Variants in FNIP2 observed in about 807,000 individuals in gnomAD.
The protein encoded by FNIP2 is folliculin interacting protein 2, also known as folliculin-interacting protein 2.
A neutral mutation model predicts 108.7 loss-of-function variants in FNIP2; 32 were observed. The observed-to-expected ratio is 0.29, with a 90% confidence interval of 0.22 to 0.40. The LOEUF (loss-of-function observed/expected upper bound fraction) is 0.40, where lower values mean the gene tolerates loss of function less well. FNIP2 is among the 10% of genes least tolerant of loss of function. The pLI, the probability that FNIP2 is intolerant of heterozygous loss-of-function variation, is 1.00. For synonymous variants in FNIP2, 480 were observed against 496.7 expected, an observed-to-expected ratio of 0.97 and a Z score of 0.45; for missense variants, 1,202 against 1,381.6, an observed-to-expected ratio of 0.87 and a Z score of 2.06.
intron 1 of FNIP2, among the ~76,000 whole-genome samples, chr4:158,806,627 A>G (rs1446397755): frequency 1.3e-5 from 2 of 149,764 alleles, no homozygotes; most frequent in Non-Finnish European, 3.0e-5. Context: ...TTTAGTGACT[A>G]TTGTGACTTC....
chr4:158,846,118 T>A (rs372857349), intron 7 of FNIP2, among the ~76,000 whole-genome samples: 1 of 152,206 alleles, frequency 6.6e-6, no homozygotes, highest in Admixed American at 6.5e-5. Flanking sequence ...TGTGGGTGAC[T>A]GGGTTAAGTG....
chr4:158,814,658 G>A (rs1777463659), intron 1 of FNIP2, among the ~76,000 whole-genome samples: 2 of 152,198 alleles, frequency 1.3e-5, no homozygotes, highest in Non-Finnish European at 2.9e-5. Flanking sequence ...TGAGAAAAGG[G>A]GTTGCTTTTT....
At chr4:158,793,503 G>A (rs1776488157) in intron 1 of FNIP2, among the ~76,000 whole-genome samples, 1 of 152,206 alleles carries the variant, frequency 6.6e-6, no homozygotes, top group Non-Finnish European at 1.5e-5. Context: ...AGTTGTTCCA[G>A]TTTGACTAAT....
chr4:158,875,897 T>C (rs1364280471), intron 14 of FNIP2, among the ~76,000 whole-genome samples: 1 of 152,114 alleles, frequency 6.6e-6, no homozygotes, highest in African/African-American at 2.4e-5. Context: ...ATAAATGGGT[T>C]TTGATTACCA....
At chr4:158,838,204 TA>T (rs1778915843) in intron 7 of FNIP2, among the ~76,000 whole-genome samples, 1 of 150,586 alleles carries the variant, frequency 6.6e-6, no homozygotes, top group African/African-American at 2.4e-5. Flanking sequence ...GACATAAAGA[TA>T]TTATTTATTC....
At chr4:158,851,533 T>C (rs1779702153) in intron 8 of FNIP2, 83 bp downstream of exon 8, 1 of 1,531,682 alleles carries the variant, frequency 6.5e-7, no homozygotes, top group Non-Finnish European at 8.8e-7. Flanking sequence ...TTCGTGCCTA[T>C]TGTCAGTGGA....
chr4:158,891,433 GT>G lies in FNIP2; in HGVS notation c.2950-10del. 1 of 1,580,686 alleles carries G rather than the reference GT, an allele frequency of 6.3e-7. No homozygotes were observed. The highest frequency in any genetic ancestry group is 8.6e-7 in the Non-Finnish European group (1 of 1,162,044). On this transcript the variant is annotated splice_polypyrimidine_tract_variant and intron_variant, in intron 14 of 16. Transcript: ENST00000264433. The stretch of plus-strand genomic sequence containing the variant: ...TGGATAAATAAACCCATCCCTTTGT[GT>G]TTCTTTTTCAGCATCCAGTCCTGGA...
chr4:158,796,927 C>T (rs571695078), intron 1 of FNIP2, among the ~76,000 whole-genome samples: 3 of 152,134 alleles, frequency 2.0e-5, no homozygotes, highest in Non-Finnish European at 2.9e-5. Context: ...ACAGTGACTA[C>T]GCGCTGGTGG....
At chr4:158,884,417 G>C (rs1781902061) in intron 14 of FNIP2, among the ~76,000 whole-genome samples, 2 of 152,224 alleles carry the variant, frequency 1.3e-5, no homozygotes, top group African/African-American at 4.8e-5. Context: ...AGTTAAGACA[G>C]TGTGTGATGA....
chr4:158,894,871 T>A (rs1479963659), intron 15 of FNIP2, among the ~76,000 whole-genome samples: 2 of 152,198 alleles, frequency 1.3e-5, no homozygotes, highest in Non-Finnish European at 2.9e-5. Context: ...AGATATTTTT[T>A]CCATGTCGTT....
At chr4:158,839,486 G>A (rs75422182) in intron 7 of FNIP2, among the ~76,000 whole-genome samples, 35 of 151,964 alleles carry the variant, frequency 2.3e-4, no homozygotes, top group South Asian at 4.2e-4. Flanking sequence ...CCTCCTCAGC[G>A]CCCTGAGTAG....
At chr4:158,875,028 G>T (rs1331973446) in intron 14 of FNIP2, among the ~76,000 whole-genome samples, 4 of 150,364 alleles carry the variant, frequency 2.7e-5, no homozygotes, top group Admixed American at 6.6e-5. Flanking sequence ...CAGAGAGGTT[G>T]CAGTGCGCTG....
At chr4:158,873,631 A>G (rs967948857) in intron 14 of FNIP2, among the ~76,000 whole-genome samples, 1 of 152,236 alleles carries the variant, frequency 6.6e-6, no homozygotes, top group Non-Finnish European at 1.5e-5. Flanking sequence ...TATGAAAGAA[A>G]GATATAGTAA....
intron 12 of FNIP2, among the ~76,000 whole-genome samples, chr4:158,866,803 C>T (rs558796276): frequency 8.5e-5 from 13 of 152,080 alleles, no homozygotes; most frequent in Middle Eastern, 3.4e-3. Flanking sequence ...TCTCAAACTC[C>T]TGACCTCAGG....
rs940465271 is a variant in FNIP2, at chr4:158,906,405, A to C, written c.*1861A>C. ...CTCATTCACCACCTTCCAGGGTTTC[A>C]TAGAAAATAACTTGTTACAAAATCA... On this transcript the variant is annotated 3_prime_UTR_variant, in exon 17 of 17. Transcript: ENST00000264433. 1 of 152,164 alleles carries C rather than the reference A, an allele frequency of 6.6e-6. No individual in the cohort carries two copies. Among genetic ancestry groups the C allele is most frequent in the Admixed American group, 6.5e-5 (1 of 15,272 alleles). 9.4% of individuals were successfully genotyped at this position (152,164 alleles called of 1,614,324 possible). A position where few individuals can be genotyped will look rare whatever the true frequency, so the allele number is the denominator to read the frequency against.
At chr4:158,786,697 T>C (rs1776236708) in intron 1 of FNIP2, among the ~76,000 whole-genome samples, 1 of 152,212 alleles carries the variant, frequency 6.6e-6, no homozygotes, top group Non-Finnish European at 1.5e-5. Flanking sequence ...TGGGAAAAGG[T>C]GCCTGCAGTC....
Position 158,851,434 on chromosome 4 carries a change from G to A in FNIP2, c.841G>A (p.Gly281Ser). Residue 281 changes from glycine to serine, a missense_variant, in exon 8 of 17, where the codon GGC becomes AGC. Transcript: ENST00000264433. Reference protein sequence around the residue: ...LRSQTTSLENGIIPRRSTDET... With the variant: ...LRSQTTSLENSIIPRRSTDET... The stretch of plus-strand genomic sequence containing the variant: ...AAGTCAGACAACAAGTTTGGAAAAT[G>A]GCATCATCCCAAGAAGGTGAGTTGC... 1 of 1,613,914 alleles carries A rather than the reference G, an allele frequency of 6.2e-7. No homozygotes were observed. The highest frequency in any genetic ancestry group is 1.1e-5 in the South Asian group (1 of 91,060).
At chr4:158,808,114 T>A (rs1777072797) in intron 1 of FNIP2, among the ~76,000 whole-genome samples, 1 of 152,176 alleles carries the variant, frequency 6.6e-6, no homozygotes, top group African/African-American at 2.4e-5. Flanking sequence ...ACTATGTAAT[T>A]GGCTCGGATT....
chr4:158,871,738 TATA>T (rs1780960580), intron 14 of FNIP2: 4 of 984,786 alleles, frequency 4.1e-6, no homozygotes, highest in Non-Finnish European at 4.8e-6. Context: ...CTTTTGTCCC[TATA>T]ATATCATAAT....
Sources: gnomAD v4.1 joint callset for allele counts (sites outside exome capture counted in the v4.1 genomes callset) on GRCh38, gnomAD v4.1.1 for gene constraint, MANE v1.5 for transcripts, NCBI Gene and HGNC (gene_info 2026-07-23, HGNC 2026-07-21) for gene names.